The following PPP1R36 variants were observed in gnomAD, a reference collection of about 807,000 sequenced individuals.
PPP1R36 encodes protein phosphatase 1 regulatory subunit 36.
PPP1R36 carries 47 observed loss-of-function variants against 53.4 expected under a neutral mutation model. The ratio of observed to expected loss-of-function variants is 0.88; its 90% CI spans 0.70 to 1.12. The LOEUF is 1.12. Among genes scored for constraint, PPP1R36 ranks in the 50% most tolerant of loss-of-function variants. The pLI is 0.00. For synonymous variants in PPP1R36, 153 were observed against 170.5 expected, an observed-to-expected ratio of 0.90 and a Z score of 0.80; for missense variants, 456 against 513.9, an observed-to-expected ratio of 0.89 and a Z score of 1.09.
At chr14:64,574,619 A>T (rs1485595533) in intron 8 of PPP1R36, 30 bp downstream of exon 8, 1 of 1,592,762 alleles carries the variant, frequency 6.3e-7, no homozygotes, top group African/African-American at 1.4e-5. Context: ...TCATTAGATC[A>T]TCACTCCATC....
At chr14:64,560,983 C>T (rs893330987) in intron 3 of PPP1R36, among the ~76,000 whole-genome samples, 3 of 152,172 alleles carry the variant, frequency 2.0e-5, no homozygotes, top group African/African-American at 7.2e-5. Context: ...AGGGAAGGAA[C>T]ATGCCTCAGA....
In PPP1R36 at chr14:64,588,164, G is replaced by T. The variant is rs1435142370; in HGVS notation, c.951G>T (p.Met317Ile). ...KKAINMRSPV[M>I]STLLPSLREK... ...CTATCAACATGCGTTCTCCAGTCAT[G>T]TCTACTCTGCTGCCATCTCTCAGAG... Residue 317 changes from methionine (M) to isoleucine (I), a missense_variant, in exon 11 of 12, where the codon ATG (methionine) becomes ATT (isoleucine). Coordinates refer to ENST00000298705, the MANE Select transcript of PPP1R36 (RefSeq NM_172365.3). The T allele has an allele frequency of 2.5e-6, 4 of 1,613,922 alleles. No homozygotes were observed. Among genetic ancestry groups the T allele is most frequent in the Non-Finnish European group, 3.4e-6 (4 of 1,179,936 alleles).
rs1022778895 is a variant in PPP1R36 at position 64,549,980 on chromosome 14, G to C, written c.-18G>C. 1.3e-6 allele frequency: 2 copies of C among 1,558,136 alleles called. No homozygotes were observed. The highest frequency in any genetic ancestry group is 1.7e-6 in the Non-Finnish European group (2 of 1,150,766). On this transcript the variant is annotated 5_prime_UTR_variant, in exon 1 of 12. It removes an upstream start codon present in the reference 5' UTR. Coordinates refer to ENST00000298705, the MANE Select transcript of PPP1R36 (RefSeq NM_172365.3). ...GGCGGTATCCTCGGCGACGCCGTAT[G>C]GCTTCCAGGGCGAGGCCATGTACCG...
At chr14:64,561,192 A>G (rs986431088) in intron 3 of PPP1R36, among the ~76,000 whole-genome samples, 9 of 152,174 alleles carry the variant, frequency 5.9e-5, no homozygotes, top group Non-Finnish European at 1.3e-4. Flanking sequence ...TTTTATACCC[A>G]CTAGCCAAGA....
chr14:64,565,240 A>T, intron 4 of PPP1R36, 117 bp from the exon 5 acceptor site: 2 of 656,230 alleles, frequency 3.0e-6, no homozygotes, highest in Non-Finnish European at 5.2e-6. Context: ...AACAAAACCC[A>T]TGTATGACAC....
chr14:64,579,613 A>G lies in PPP1R36; in HGVS notation c.668+5024A>G, dbSNP rs565124495. Reference sequence around the variant, plus strand: ...ATTTATAACATCACTATTAATATTGACACTAATTTCTTTTGTCTTTAAAGT... The same window carrying G: ...ATTTATAACATCACTATTAATATTGGCACTAATTTCTTTTGTCTTTAAAGT... On this transcript the variant is annotated intron_variant, in intron 8 of 11. Transcript: ENST00000298705. Among the ~76,000 whole-genome samples the G allele has an allele frequency of 1.3e-3, 205 of 152,334 alleles. 1 individual carries two copies. Among genetic ancestry groups the G allele is most frequent in the African/African-American group, 4.7e-3 (195 of 41,568 alleles).
At chr14:64,558,213 A>G (rs2080173463) in intron 3 of PPP1R36, among the ~76,000 whole-genome samples, 1 of 152,202 alleles carries the variant, frequency 6.6e-6, no homozygotes, top group Non-Finnish European at 1.5e-5. Context: ...AGCTTCAGGA[A>G]GGCTGTAGGG....
chr14:64,584,378 G>A (rs1016164676), intron 8 of PPP1R36, among the ~76,000 whole-genome samples: 20 of 152,190 alleles, frequency 1.3e-4, no homozygotes, highest in African/African-American at 4.8e-4. Flanking sequence ...TCCCAAAACA[G>A]ACTTTGGCTA....
intron 3 of PPP1R36, among the ~76,000 whole-genome samples, chr14:64,554,326 T>A (rs2080128069): frequency 6.6e-6 from 1 of 151,840 alleles, no homozygotes; most frequent in Admixed American, 6.6e-5. Context: ...TAATTTTGTA[T>A]TTTTAGTAGA....
At position 64,565,602 on chromosome 14, in the gene PPP1R36, C is replaced by A. The variant is rs764785423; in HGVS notation, c.368-24C>A. The A allele has an allele frequency of 5.0e-6, 8 of 1,601,792 alleles. No homozygotes were observed. The East Asian group carries it at 1.8e-4, about 36-fold the overall frequency. ...CTAAGGTAGCTCTTTGTCCCTCTCTCAATTGTTCATTTTCTCTTTTCAGTT... is the reference window on the plus strand; with the variant it reads ...CTAAGGTAGCTCTTTGTCCCTCTCTAAATTGTTCATTTTCTCTTTTCAGTT... On this transcript the variant is annotated intron_variant, in intron 5 of 11. Coordinates refer to ENST00000298705, the MANE Select transcript of PPP1R36 (RefSeq NM_172365.3).
At chr14:64,561,078 C>G (rs1251948088) in intron 3 of PPP1R36, among the ~76,000 whole-genome samples, 1 of 152,118 alleles carries the variant, frequency 6.6e-6, no homozygotes, top group Non-Finnish European at 1.5e-5. Flanking sequence ...CAATCTGTTT[C>G]ATAAAGTAAC....
chr14:64,577,484 G>C (rs888729052), intron 8 of PPP1R36, among the ~76,000 whole-genome samples: 2 of 152,092 alleles, frequency 1.3e-5, no homozygotes, highest in Non-Finnish European at 2.9e-5. Context: ...GCCTCTGTCT[G>C]AGTTCCTTCC....
intron 3 of PPP1R36, among the ~76,000 whole-genome samples, chr14:64,556,132 T>TTC (rs2140217989): frequency 6.6e-6 from 1 of 150,650 alleles, no homozygotes; most frequent in East Asian, 1.9e-4. Context: ...GATTGATTTT[T>TTC]TTTTTTTTTT....
chr14:64,585,490 C>T (rs1159390418), intron 8 of PPP1R36, among the ~76,000 whole-genome samples: 1 of 139,414 alleles, frequency 7.2e-6, no homozygotes, highest in Non-Finnish European at 1.5e-5. Flanking sequence ...GTGCTCCAGC[C>T]TGGATGACAG....
At chr14:64,551,178 T>C (rs1444274284) in intron 2 of PPP1R36, among the ~76,000 whole-genome samples, 193 bp downstream of exon 2, 1 of 152,222 alleles carries the variant, frequency 6.6e-6, no homozygotes, top group Non-Finnish European at 1.5e-5. Context: ...ACTGTGCTAA[T>C]GTTTACCAAC....
intron 8 of PPP1R36, among the ~76,000 whole-genome samples, chr14:64,577,311 G>A (rs1359769495): frequency 6.6e-6 from 1 of 152,112 alleles, no homozygotes; most frequent in Admixed American, 6.6e-5. Context: ...TGAATTTTGG[G>A]GGAACACAAA....
intron 3 of PPP1R36, among the ~76,000 whole-genome samples, chr14:64,554,689 A>G (rs1267774052): frequency 6.6e-6 from 1 of 152,164 alleles, no homozygotes; most frequent in Admixed American, 6.5e-5. Context: ...AGGCGTGTTC[A>G]GTGACTGCTC....
chr14:64,589,360 A>G lies in PPP1R36; in HGVS notation c.*22A>G, dbSNP rs552113855. On this transcript the variant is annotated 3_prime_UTR_variant, in exon 12 of 12. Coordinates refer to ENST00000298705, the MANE Select transcript of PPP1R36 (RefSeq NM_172365.3). ...GTAACCTGGTACATTCCATATCTCA[A>G]GTAAACTACTTTGACTTTATAGAAG... The G allele has an allele frequency of 1.1e-4, 169 of 1,522,300 alleles. 2 individuals are homozygous for G. In the South Asian group the frequency reaches 2.0e-3, roughly 18 times the overall value. The allele number at this position is 1,522,300 out of a possible 1,614,324, so 94.3% of individuals were successfully genotyped here. A position where few individuals can be genotyped will look rare whatever the true frequency, so the allele number is the denominator to read the frequency against.
intron 6 of PPP1R36, among the ~76,000 whole-genome samples, chr14:64,568,141 A>G (rs7157936): frequency 0.028 from 4,202 of 152,278 alleles, 180 homozygotes; most frequent in African/African-American, 0.095. Flanking sequence ...GACCTCTCCA[A>G]AAGTTTTACT....
Sources: allele counts gnomAD v4.1 joint callset (sites outside exome capture counted in the v4.1 genomes callset), GRCh38; gene constraint gnomAD v4.1.1; transcripts MANE v1.5; gene names NCBI Gene and HGNC (gene_info 2026-07-23, HGNC 2026-07-21).